Variants in EYS observed in about 807,000 individuals in gnomAD.
EYS encodes the protein EGF-like photoreceptor maintenance factor.
EYS carries 250 observed loss-of-function variants against 282.1 expected under a neutral mutation model. The ratio of observed to expected loss-of-function variants is 0.89; its 90% CI spans 0.80 to 0.98. The LOEUF is 0.98. Ranked by LOEUF, EYS falls within the 50% of genes least tolerant of loss-of-function variation. The pLI is 0.00. For synonymous variants in EYS, 1,355 were observed against 1,282.9 expected, an observed-to-expected ratio of 1.06 and a Z score of -1.20; for missense variants, 4,016 against 3,709.0, an observed-to-expected ratio of 1.08 and a Z score of -2.15.
intron 12 of EYS, among the ~76,000 whole-genome samples, chr6:65,189,822 C>G (rs1426367962): frequency 6.6e-6 from 1 of 151,734 alleles, no homozygotes. Context: ...ATTTTGCAAG[C>G]CTCTTCAGAG....
chr6:64,943,733 C>T (rs1769178261), intron 15 of EYS, among the ~76,000 whole-genome samples: 1 of 152,028 alleles, frequency 6.6e-6, no homozygotes, highest in Non-Finnish European at 1.5e-5. Flanking sequence ...AAAAAATACC[C>T]CGTGTTCATG....
intron 2 of EYS, among the ~76,000 whole-genome samples, chr6:65,526,726 A>T (rs960146769): frequency 6.6e-6 from 1 of 152,152 alleles, no homozygotes; most frequent in Non-Finnish European, 1.5e-5. Context: ...GAATGGCGTG[A>T]ACTCGGAAGG....
intron 35 of EYS, among the ~76,000 whole-genome samples, chr6:63,939,336 C>T (rs1214282615): frequency 1.3e-5 from 2 of 151,994 alleles, no homozygotes; most frequent in East Asian, 1.9e-4. Flanking sequence ...CCCACCCATC[C>T]CCAATAATTT....
chr6:65,372,641 C>A (rs986429718), intron 8 of EYS, among the ~76,000 whole-genome samples: 1 of 151,840 alleles, frequency 6.6e-6, no homozygotes, highest in African/African-American at 2.4e-5. Context: ...TGTAAAGCAA[C>A]AATTGTTTTA....
At chr6:64,973,439 A>G (rs1770365372) in intron 14 of EYS, among the ~76,000 whole-genome samples, 1 of 152,060 alleles carries the variant, frequency 6.6e-6, no homozygotes, top group Admixed American at 6.6e-5. Context: ...TACATCTAAC[A>G]ATAACACATA....
chr6:65,150,340 CTT>C (rs752212508), intron 12 of EYS, among the ~76,000 whole-genome samples: 1 of 151,628 alleles, frequency 6.6e-6, no homozygotes, highest in South Asian at 2.1e-4. Flanking sequence ...TTTTAATACT[CTT>C]TTCAATTTTA....
chr6:64,884,088 G>A (rs1280302033), intron 19 of EYS, among the ~76,000 whole-genome samples: 1 of 151,502 alleles, frequency 6.6e-6, no homozygotes, highest in Non-Finnish European at 1.5e-5. Flanking sequence ...ATTATTTAAT[G>A]TGTTCTTCAA....
In EYS at chr6:64,675,428, C is replaced by CTTTTTTTTTT. The variant is rs56346431; in HGVS notation, c.3444-49193_3444-49184dup. On this transcript the variant is annotated intron_variant, in intron 22 of 42. Coordinates refer to ENST00000503581, the MANE Select transcript of EYS (RefSeq NM_001142800.2). ...GTTTTTCCTGTTTCTCTTTTTTTTT[C>CTTTTTTTTTT]TTTTTTTTTTTTTTTTTGAGATGGA... Among the ~76,000 whole-genome samples, 57 of 114,638 alleles carry CTTTTTTTTTT rather than the reference C, an allele frequency of 5.0e-4. 2 individuals are homozygous for CTTTTTTTTTT. Among genetic ancestry groups the CTTTTTTTTTT allele is most frequent in the Non-Finnish European group, 6.8e-4 (41 of 60,074 alleles). The allele number at this position is 114,638 out of a possible 152,430, so 75.2% of individuals were successfully genotyped here. A position where few individuals can be genotyped will look rare whatever the true frequency, so the allele number is the denominator to read the frequency against.
rs576226573 is a variant in EYS, at chr6:63,870,983, C to T, written c.7056-6625G>A. On this transcript the variant is annotated intron_variant, in intron 35 of 42. Transcript: ENST00000503581. ...CTTTCCCAGTCCTGTGATCTCTGCT[C>T]AGAGGAAGTGACTTCACTTCCTACT... Among the ~76,000 whole-genome samples, 21 of 152,302 alleles carry T rather than the reference C, an allele frequency of 1.4e-4. No homozygotes were observed. In the East Asian group the frequency reaches 3.9e-3, roughly 28 times the overall value.
chr6:65,274,496 C>A (rs1046507116), intron 12 of EYS, among the ~76,000 whole-genome samples: 1 of 152,254 alleles, frequency 6.6e-6, no homozygotes, highest in East Asian at 1.9e-4. Flanking sequence ...AGCTATTGAT[C>A]TAGCAAACTG....
At chr6:64,613,703 G>C (rs1053827865) in intron 24 of EYS, among the ~76,000 whole-genome samples, 3 of 152,094 alleles carry the variant, frequency 2.0e-5, no homozygotes. Flanking sequence ...GTACGAGCTT[G>C]AGAGTTAGTT....
At chr6:64,834,957 G>A (rs1202002004) in intron 19 of EYS, among the ~76,000 whole-genome samples, 2 of 151,626 alleles carry the variant, frequency 1.3e-5, no homozygotes, top group East Asian at 1.9e-4. Context: ...GCAAAAATAA[G>A]CTTTGAAGTA....
At chr6:65,642,873 A>G (rs1218582152) in intron 1 of EYS, among the ~76,000 whole-genome samples, 1 of 152,256 alleles carries the variant, frequency 6.6e-6, no homozygotes, top group Non-Finnish European at 1.5e-5. Flanking sequence ...AAATAACTTT[A>G]AGAATAATTT....
chr6:64,807,595 C>T (rs570687443), intron 22 of EYS, among the ~76,000 whole-genome samples: 13 of 152,244 alleles, frequency 8.5e-5, no homozygotes, highest in Non-Finnish European at 2.9e-5. Context: ...CTTTTCTCTA[C>T]TTCAGATGTG....
rs369585506 is a variant in EYS at position 64,832,504 on chromosome 6, T to C, written c.2993-9682A>G. Among the ~76,000 whole-genome samples, 31 of 151,970 alleles carry C rather than the reference T, an allele frequency of 2.0e-4. No individual in the cohort carries two copies. The East Asian group carries it at 5.7e-3, about 28-fold the overall frequency. Reference sequence around the variant, plus strand: ...TTTCACTTATGCAAGATGAATAATTTCTAGAGATAAGCTATTAACTATAGT... The same window carrying C: ...TTTCACTTATGCAAGATGAATAATTCCTAGAGATAAGCTATTAACTATAGT... On this transcript the variant is annotated intron_variant, in intron 19 of 42. Coordinates refer to ENST00000503581, the MANE Select transcript of EYS (RefSeq NM_001142800.2).
chr6:65,133,955 T>G (rs1392837326), intron 12 of EYS, among the ~76,000 whole-genome samples: 2 of 151,324 alleles, frequency 1.3e-5, no homozygotes, highest in Admixed American at 6.6e-5. Context: ...TTGGAAAAGT[T>G]TGAATACACT....
At chr6:64,119,556 G>A (rs1376041263) in intron 31 of EYS, among the ~76,000 whole-genome samples, 1 of 152,106 alleles carries the variant, frequency 6.6e-6, no homozygotes, top group African/African-American at 2.4e-5. Context: ...TTGTGAGTAA[G>A]GTTTTATCAA....
intron 5 of EYS, among the ~76,000 whole-genome samples, chr6:65,450,816 C>T (rs1764370371): frequency 6.6e-6 from 1 of 152,122 alleles, no homozygotes; most frequent in South Asian, 2.1e-4. Context: ...TTTAACATCC[C>T]TAGACTTATG....
At chr6:64,585,829 T>C (rs1433878241) in intron 26 of EYS, among the ~76,000 whole-genome samples, 1 of 152,162 alleles carries the variant, frequency 6.6e-6, no homozygotes, top group Non-Finnish European at 1.5e-5. Context: ...ATATAAGTTC[T>C]AAGTATTATC....
Sources: gnomAD v4.1 joint callset for allele counts (sites outside exome capture counted in the v4.1 genomes callset) on GRCh38, gnomAD v4.1.1 for gene constraint, MANE v1.5 for transcripts, NCBI Gene and HGNC (gene_info 2026-07-23, HGNC 2026-07-21) for gene names.